The following PLCXD3 variants were observed in gnomAD, a reference collection of about 807,000 sequenced individuals.
The protein encoded by PLCXD3 is phosphatidylinositol specific phospholipase C X domain containing 3.
PLCXD3 carries 19 observed loss-of-function variants against 25.5 expected under a neutral mutation model. The observed-to-expected ratio is 0.75, with a 90% CI of 0.52 to 1.09. The LOEUF (loss-of-function observed/expected upper bound fraction) is 1.09. Among genes scored for constraint, PLCXD3 ranks in the 50% least tolerant of loss-of-function variants. The pLI is 0.00. For synonymous variants in PLCXD3, 174 were observed against 137.6 expected (o/e 1.26, Z -1.85); for missense variants, 411 against 388.1 (o/e 1.06, Z -0.50).
intron 1 of PLCXD3, among the ~76,000 whole-genome samples, chr5:41,386,690 T>C (rs545434596): frequency 6.6e-6 from 1 of 152,104 alleles, no homozygotes; most frequent in South Asian, 2.1e-4. Context: ...CAGAGCAAAA[T>C]GCAGTGTTGT....
chr5:41,320,549 T>G (rs1344402186), intron 2 of PLCXD3, among the ~76,000 whole-genome samples: 3 of 152,326 alleles, frequency 2.0e-5, no homozygotes, highest in Admixed American at 1.3e-4. Context: ...CAGACTGGAG[T>G]GCAGTGGCGC....
intron 1 of PLCXD3, among the ~76,000 whole-genome samples, chr5:41,476,094 T>C (rs1015023605): frequency 6.6e-6 from 1 of 152,214 alleles, no homozygotes; most frequent in East Asian, 1.9e-4. Context: ...AGGCAAGTAC[T>C]GAATGCATAT....
At chr5:41,413,821 T>TA (rs775832577) in intron 1 of PLCXD3, among the ~76,000 whole-genome samples, 44 of 151,724 alleles carry the variant, frequency 2.9e-4, no homozygotes, top group Non-Finnish European at 3.7e-4. Context: ...AACTAGAGTT[T>TA]AAAAAAAAAT....
chr5:41,479,052 G>C (rs1748339584), intron 1 of PLCXD3, among the ~76,000 whole-genome samples: 1 of 151,978 alleles, frequency 6.6e-6, no homozygotes, highest in Admixed American at 6.6e-5. Flanking sequence ...ATAAGATTTG[G>C]GTGAGGACAC....
chr5:41,351,821 A>C (rs985628762), intron 2 of PLCXD3, among the ~76,000 whole-genome samples: 1 of 152,198 alleles, frequency 6.6e-6, no homozygotes, highest in African/African-American at 2.4e-5. Context: ...AACAGATCTC[A>C]GTTTAAATGC....
chr5:41,390,173 A>G (rs1198049013), intron 1 of PLCXD3, among the ~76,000 whole-genome samples: 1 of 152,120 alleles, frequency 6.6e-6, no homozygotes, highest in Non-Finnish European at 1.5e-5. Context: ...ATATTGTTGT[A>G]TGTATCAGTA....
intron 1 of PLCXD3, among the ~76,000 whole-genome samples, chr5:41,445,191 C>T (rs1747466105): frequency 6.6e-6 from 1 of 152,140 alleles, no homozygotes; most frequent in African/African-American, 2.4e-5. Flanking sequence ...CTTTAAGGAT[C>T]CTGCCAACTG....
intron 1 of PLCXD3, among the ~76,000 whole-genome samples, chr5:41,471,076 G>A (rs931831126): frequency 6.6e-6 from 1 of 152,134 alleles, no homozygotes; most frequent in African/African-American, 2.4e-5. Context: ...AGGGGTCAGT[G>A]TATAAAAAAT....
chr5:41,480,277 TCAC>T (rs1397915854), intron 1 of PLCXD3, among the ~76,000 whole-genome samples: 2 of 152,122 alleles, frequency 1.3e-5, no homozygotes, highest in African/African-American at 4.8e-5. Flanking sequence ...GACCAATGAG[TCAC>T]CCATTGAGAG....
At chr5:41,499,666 G>C (rs1301195739) in intron 1 of PLCXD3, among the ~76,000 whole-genome samples, 5 of 151,558 alleles carry the variant, frequency 3.3e-5, no homozygotes, top group African/African-American at 1.2e-4. Flanking sequence ...GAACCACATA[G>C]GACTCCAAAA....
intron 2 of PLCXD3, among the ~76,000 whole-genome samples, chr5:41,327,829 A>G (rs1369451387): frequency 6.6e-6 from 1 of 152,106 alleles, no homozygotes; most frequent in African/African-American, 2.4e-5. Flanking sequence ...TTTTAGAGAC[A>G]GTGTCTCACT....
intron 2 of PLCXD3, among the ~76,000 whole-genome samples, chr5:41,363,599 T>A (rs1010917338): frequency 1.2e-4 from 18 of 152,196 alleles, no homozygotes; most frequent in African/African-American, 2.4e-5. Flanking sequence ...TTATTGAAAT[T>A]GACTTTAGTA....
At chr5:41,490,177 C>T (rs1306825217) in intron 1 of PLCXD3, among the ~76,000 whole-genome samples, 2 of 152,224 alleles carry the variant, frequency 1.3e-5, no homozygotes, top group Non-Finnish European at 2.9e-5. Context: ...GCCTTTTCTG[C>T]ATCTATTGAG....
intron 2 of PLCXD3, among the ~76,000 whole-genome samples, chr5:41,354,909 A>T (rs1355324595): frequency 6.6e-6 from 1 of 152,206 alleles, no homozygotes; most frequent in Non-Finnish European, 1.5e-5. Context: ...ATGAACCATT[A>T]TTCTTTCTCT....
chr5:41,373,580 G>A (rs772565111), intron 2 of PLCXD3, among the ~76,000 whole-genome samples: 1 of 151,956 alleles, frequency 6.6e-6, no homozygotes, highest in African/African-American at 2.4e-5. Flanking sequence ...CCCATGGAAC[G>A]GCCAGCCCGC....
chr5:41,312,102 T>TA lies in PLCXD3; in HGVS notation c.*1514_*1515insT, dbSNP rs911292266. 2.0e-5 allele frequency: 3 copies of TA among 152,494 alleles called. No individual in the cohort carries two copies. The highest frequency in any genetic ancestry group is 2.1e-4 in the South Asian group (1 of 4,824). 9.4% of individuals were successfully genotyped at this position (152,494 alleles called of 1,614,324 possible). ...ATTATTGTGCTCTAAGTTTTTTTTT[T>TA]TTATTTTTTAGAGTTGTCAAATATC... On this transcript the variant is annotated 3_prime_UTR_variant, in exon 3 of 3. Coordinates refer to ENST00000377801, the MANE Select transcript of PLCXD3 (RefSeq NM_001005473.3).
chr5:41,466,531 T>C (rs1748021364), intron 1 of PLCXD3, among the ~76,000 whole-genome samples: 1 of 152,150 alleles, frequency 6.6e-6, no homozygotes, highest in Admixed American at 6.6e-5. Flanking sequence ...TCATCTCACT[T>C]AGCTATCATT....
At chr5:41,315,178 C>A (rs1399109740) in intron 2 of PLCXD3, among the ~76,000 whole-genome samples, 1 of 152,028 alleles carries the variant, frequency 6.6e-6, no homozygotes, top group African/African-American at 2.4e-5. Context: ...GGAATGAGAA[C>A]TACTATAACT....
At chr5:41,492,399 G>T (rs1748722352) in intron 1 of PLCXD3, among the ~76,000 whole-genome samples, 1 of 151,986 alleles carries the variant, frequency 6.6e-6, no homozygotes. Flanking sequence ...TGGTGAATCT[G>T]ACAATTATGT....
Sources: allele counts gnomAD v4.1 joint callset (sites outside exome capture counted in the v4.1 genomes callset), GRCh38; gene constraint gnomAD v4.1.1; transcripts MANE v1.5; gene names NCBI Gene and HGNC (gene_info 2026-07-23, HGNC 2026-07-21).